Variants in ACACA observed in about 807,000 individuals in gnomAD.
ACACA encodes acetyl-CoA carboxylase 1.
In ACACA, 103 loss-of-function variants were observed where a neutral mutation model predicts 296.1. The observed-to-expected ratio is 0.35, with a 90% confidence interval of 0.30 to 0.41. The LOEUF (loss-of-function observed/expected upper bound fraction) is 0.41. Among genes scored for constraint, ACACA ranks in the 10% least tolerant of loss-of-function variants. The pLI, the probability that ACACA is intolerant of heterozygous loss-of-function variation, is 1.00. For missense variants in ACACA, 1,554 were observed against 2,989.7 expected, an observed-to-expected ratio of 0.52 and a Z score of 11.20; for synonymous variants, 953 against 1,038.6, an observed-to-expected ratio of 0.92 and a Z score of 1.58.
At chr17:37,375,662 A>G (rs2049973283) in intron 1 of ACACA, among the ~76,000 whole-genome samples, 2 of 152,200 alleles carry the variant, frequency 1.3e-5, no homozygotes, top group African/African-American at 4.8e-5. Context: ...TTCCTGCTCT[A>G]GAAATTATAT....
intron 47 of ACACA, among the ~76,000 whole-genome samples, chr17:37,128,601 A>G (rs1011960979): frequency 6.6e-6 from 1 of 152,256 alleles, no homozygotes; most frequent in Non-Finnish European, 1.5e-5. Flanking sequence ...TTGGTGCTCC[A>G]CAAAAGAACC....
At chr17:37,107,980 A>G (rs927350567) in intron 52 of ACACA, among the ~76,000 whole-genome samples, 15 of 152,214 alleles carry the variant, frequency 9.9e-5, no homozygotes, top group African/African-American at 3.1e-4. Context: ...AGAGACAAAA[A>G]GGACTTGGAG....
intron 1 of ACACA, among the ~76,000 whole-genome samples, chr17:37,390,304 T>TTTTATATATA (rs1201500381): frequency 5.6e-5 from 1 of 17,988 alleles, no homozygotes; most frequent in Non-Finnish European, 8.1e-5. Context: ...TTATACATAA[T>TTTTATATATA]TATATATATA....
intron 48 of ACACA, 171 bp from the exon 49 acceptor site, chr17:37,122,798 T>G: frequency 7.2e-6 from 5 of 698,456 alleles, no homozygotes; most frequent in Non-Finnish European, 2.6e-6. Context: ...GATTTGATAT[T>G]TACTCTCTAA....
At chr17:37,305,223 T>C (rs937723025) in intron 3 of ACACA, among the ~76,000 whole-genome samples, 2 of 152,254 alleles carry the variant, frequency 1.3e-5, no homozygotes, top group Non-Finnish European at 2.9e-5. Context: ...ATGAACAATT[T>C]GGATTCTGAT....
At chr17:37,301,673 C>A (rs2083624213) in intron 3 of ACACA, among the ~76,000 whole-genome samples, 1 of 152,170 alleles carries the variant, frequency 6.6e-6, no homozygotes, top group African/African-American at 2.4e-5. Context: ...ATATGCCTAG[C>A]CTTGAAGCAA....
intron 35 of ACACA, among the ~76,000 whole-genome samples, chr17:37,195,292 T>C (rs1180173722): frequency 6.6e-6 from 1 of 152,174 alleles, no homozygotes; most frequent in Non-Finnish European, 1.5e-5. Context: ...CAAAACCATT[T>C]CCTTTCAAAA....
intron 24 of ACACA, among the ~76,000 whole-genome samples, chr17:37,235,789 A>T (rs368724513): frequency 2.6e-5 from 4 of 152,152 alleles, no homozygotes; most frequent in African/African-American, 9.7e-5. Flanking sequence ...ACCTTGCATT[A>T]AGTCAAAAGG....
intron 3 of ACACA, among the ~76,000 whole-genome samples, chr17:37,314,394 C>T (rs374516462): frequency 2.0e-4 from 30 of 152,126 alleles, no homozygotes; most frequent in Admixed American, 6.5e-4. Flanking sequence ...CCACTGCGCC[C>T]GACCACTCTA....
In ACACA at chr17:37,406,510, C is replaced by A; in HGVS notation, c.-211G>T. On this transcript the variant is annotated 5_prime_UTR_variant, in exon 1 of 56. Transcript: ENST00000616317. The stretch of plus-strand genomic sequence containing the variant: ...CCGTCCCTGGGCCCAGTTCCCTCAG[C>A]CTCAATTTCCCTTGCTGCAACAGGG... 1.6e-6 allele frequency: 1 copy of A among 629,008 alleles called. No individual in the cohort carries two copies. Among genetic ancestry groups the A allele is most frequent in the Non-Finnish European group, 2.8e-6 (1 of 354,216 alleles). 39.0% of individuals were successfully genotyped at this position (629,008 alleles called of 1,614,324 possible).
intron 41 of ACACA, among the ~76,000 whole-genome samples, chr17:37,176,481 C>T (rs1206566934): frequency 6.6e-6 from 1 of 152,210 alleles, no homozygotes; most frequent in African/African-American, 2.4e-5. Context: ...TGGGACAGGA[C>T]AGATTTACTC....
At chr17:37,244,152 G>A (rs1260722083) in intron 21 of ACACA, among the ~76,000 whole-genome samples, 2 of 151,562 alleles carry the variant, frequency 1.3e-5, no homozygotes, top group Non-Finnish European at 2.9e-5. Flanking sequence ...CACAAAGTCA[G>A]GAGTTCAAGA....
At chr17:37,200,363 A>T in intron 34 of ACACA, 64 bp downstream of exon 34, 1 of 1,498,442 alleles carries the variant, frequency 6.7e-7, no homozygotes. Flanking sequence ...TTACAATCCC[A>T]TTTTTATTAA....
chr17:37,178,918 C>G (rs747214522), intron 41 of ACACA, among the ~76,000 whole-genome samples: 1 of 152,072 alleles, frequency 6.6e-6, no homozygotes, highest in Non-Finnish European at 1.5e-5. Context: ...CACGACCAAC[C>G]CTGTTTCATC....
intron 27 of ACACA, among the ~76,000 whole-genome samples, chr17:37,224,655 A>C (rs976992809): frequency 6.7e-6 from 1 of 148,570 alleles, no homozygotes; most frequent in African/African-American, 2.5e-5. Flanking sequence ...GTGTGTGTGT[A>C]TATATATATA....
At chr17:37,398,588 C>T (rs938500432) in intron 1 of ACACA, among the ~76,000 whole-genome samples, 4 of 118,236 alleles carry the variant, frequency 3.4e-5, no homozygotes, top group Admixed American at 9.5e-5. Context: ...CCACCATGCC[C>T]GGGCTTTTTT....
At chr17:37,389,132 G>C (rs1316005761) in intron 1 of ACACA, 9 of 1,346,800 alleles carry the variant, frequency 6.7e-6, no homozygotes, top group Admixed American at 2.5e-5. Flanking sequence ...CAATAGGACT[G>C]AATATTTTAT....
intron 50 of ACACA, among the ~76,000 whole-genome samples, chr17:37,117,099 A>C (rs2074293952): frequency 6.6e-6 from 1 of 152,236 alleles, no homozygotes; most frequent in South Asian, 2.1e-4. Flanking sequence ...TATTGTTATA[A>C]ACATGGATAA....
At chr17:37,403,535 C>G (rs1369075240) in intron 1 of ACACA, among the ~76,000 whole-genome samples, 1 of 151,948 alleles carries the variant, frequency 6.6e-6, no homozygotes, top group African/African-American at 2.4e-5. Context: ...CTACACCTGG[C>G]TAATTTTTGC....
Sources: gnomAD v4.1 joint callset for allele counts (sites outside exome capture counted in the v4.1 genomes callset) on GRCh38, gnomAD v4.1.1 for gene constraint, MANE v1.5 for transcripts, NCBI Gene and HGNC (gene_info 2026-07-23, HGNC 2026-07-21) for gene names.